The following MFSD11 variants were observed in gnomAD, a reference collection of about 807,000 sequenced individuals.
The protein encoded by MFSD11 is UNC93-like protein MFSD11.
Under a neutral mutation model 53.5 loss-of-function variants are expected in MFSD11, and 36 were observed. The ratio of observed to expected loss-of-function variants is 0.67; its 90% confidence interval spans 0.52 to 0.89. MFSD11 has a LOEUF of 0.89. Ranked by LOEUF, MFSD11 falls within the 40% of genes least tolerant of loss-of-function variation. MFSD11 has a pLI of 0.00. For missense variants in MFSD11, 530 were observed against 543.9 expected, an observed-to-expected ratio of 0.97 and a Z score of 0.25; for synonymous variants, 186 against 184.9, an observed-to-expected ratio of 1.01 and a Z score of -0.05.
intron 8 of MFSD11, among the ~76,000 whole-genome samples, chr17:76,755,585 A>G (rs1195265275): frequency 2.6e-5 from 4 of 151,650 alleles, no homozygotes. Context: ...AAAGCTTGTT[A>G]ACTCTTGGCC....
intron 2 of MFSD11, 129 bp downstream of exon 2, chr17:76,739,122 C>T (rs1568036920): frequency 1.4e-6 from 1 of 710,890 alleles, no homozygotes; most frequent in African/African-American, 1.8e-5. Context: ...AGTGCCTAGA[C>T]TGAGAGAACA....
chr17:76,756,747 C>CTGA, intron 8 of MFSD11, among the ~76,000 whole-genome samples: 1 of 151,928 alleles, frequency 6.6e-6, no homozygotes, highest in African/African-American at 2.4e-5. Context: ...GTAATCCCAG[C>CTGA]TACTCAGGAG....
chr17:76,737,700 C>G (rs1192387988), upstream of MFSD11: 1 of 174,958 alleles, frequency 5.7e-6, no homozygotes, highest in African/African-American at 2.4e-5. Flanking sequence ...CAGCCGTCAG[C>G]CCCGTCTCCG....
At chr17:76,783,079 A>G (rs2013331159), downstream of MFSD11, among the ~76,000 whole-genome samples, 1 of 150,880 alleles carries the variant, frequency 6.6e-6, no homozygotes, top group African/African-American at 2.4e-5. Flanking sequence ...CAGGAAGTTG[A>G]GGCAGGAGAA....
chr17:76,754,186 A>G (rs890327846), intron 8 of MFSD11, 99 bp downstream of exon 8: 1 of 916,546 alleles, frequency 1.1e-6, no homozygotes, highest in Non-Finnish European at 1.7e-6. Flanking sequence ...ATGACACCCC[A>G]GGGTTTGCAT....
the MFSD11 span, among the ~76,000 whole-genome samples, chr17:76,795,274 G>A: frequency 6.9e-6 from 1 of 143,904 alleles, no homozygotes; most frequent in African/African-American, 2.6e-5. Context: ...CCAAGGTCAG[G>A]AGTTCGAGAC....
intron 10 of MFSD11, among the ~76,000 whole-genome samples, chr17:76,770,164 AG>A (rs1419511569): frequency 1.3e-5 from 2 of 150,232 alleles, no homozygotes; most frequent in Non-Finnish European, 3.0e-5. Flanking sequence ...CAGCCTCCCG[AG>A]TAGCTGGGAC....
At chr17:76,801,819 A>T in the MFSD11 span, among the ~76,000 whole-genome samples, 3 of 152,194 alleles carry the variant, frequency 2.0e-5, no homozygotes, top group Non-Finnish European at 2.9e-5. Context: ...TTTTATCAGC[A>T]GGGTCTTTAA....
chr17:76,748,149 A>C (rs1166422740), intron 7 of MFSD11: 1 of 152,266 alleles, frequency 6.6e-6, no homozygotes, highest in East Asian at 1.9e-4. Context: ...CTGGTGAGAC[A>C]TGAAGGTCAG....
rs905972775 is a variant in MFSD11, at chr17:76,778,216, A to G, written c.1214A>G (p.Tyr405Cys). The change falls in exon 13 of 13, where the codon TAC (tyrosine) becomes TGC (cysteine). Residue 405 changes from tyrosine (Y) to cysteine (C), a missense_variant. Transcript: ENST00000685175. Reference sequence around the variant, plus strand: ...ATTTGCGCAGCCGTGGCATTTTTCTACAGCAACTACCTTCTCCTTCACTGG... The same window carrying G: ...ATTTGCGCAGCCGTGGCATTTTTCTGCAGCAACTACCTTCTCCTTCACTGG... ...QSICAAVAFF[Y>C]SNYLLLHWQL... 6.2e-7 allele frequency: 1 copy of G among 1,614,098 alleles called. No individual in the cohort carries two copies. Among genetic ancestry groups the G allele is most frequent in the South Asian group, 1.1e-5 (1 of 91,084 alleles).
chr17:76,750,592 G>A (rs1000887289), intron 7 of MFSD11, among the ~76,000 whole-genome samples: 8 of 151,858 alleles, frequency 5.3e-5, no homozygotes, highest in African/African-American at 1.7e-4. Flanking sequence ...TCCTGACCTC[G>A]TGATCCGCCC....
chr17:76,749,368 A>T (rs1227882724), intron 7 of MFSD11, among the ~76,000 whole-genome samples: 1 of 151,986 alleles, frequency 6.6e-6, no homozygotes. Flanking sequence ...TACCAAAAAA[A>T]AAATACAAAA....
downstream of MFSD11, among the ~76,000 whole-genome samples, chr17:76,783,774 G>C (rs1450112059): frequency 6.6e-6 from 1 of 152,070 alleles, no homozygotes; most frequent in Non-Finnish European, 1.5e-5. Context: ...ATGTTGGCCA[G>C]ACTGGTCTCG....
chr17:76,767,945 G>C (rs1210661737), intron 9 of MFSD11, among the ~76,000 whole-genome samples: 1 of 152,156 alleles, frequency 6.6e-6, no homozygotes, highest in Admixed American at 6.6e-5. Context: ...GGGACCAGTG[G>C]TTTTAGGCAA....
chr17:76,787,706 C>G, the MFSD11 span, among the ~76,000 whole-genome samples: 3 of 149,776 alleles, frequency 2.0e-5, no homozygotes, highest in East Asian at 5.9e-4. Flanking sequence ...CCCCCAACCC[C>G]AAACTGACTG....
At chr17:76,767,902 AAGGTTCAGAAAAACC>A (rs1452677042) in intron 9 of MFSD11, among the ~76,000 whole-genome samples, 1 of 152,216 alleles carries the variant, frequency 6.6e-6, no homozygotes, top group Non-Finnish European at 1.5e-5. Flanking sequence ...GATTCCACAC[AAGGTTCAGAAAAACC>A]AGGACACGTG....
At chr17:76,766,890 TGCAAGTTTCAGTCCTCAGA>T (rs2144743692) in intron 8 of MFSD11, 1 of 153,386 alleles carries the variant, frequency 6.5e-6, no homozygotes, top group African/African-American at 2.4e-5. Flanking sequence ...ATATGCACAA[TGCAAGTTTCAGTCCTCAGA>T]GCTACAGAGT....
chr17:76,771,009 A>G (rs1371825582), intron 10 of MFSD11, among the ~76,000 whole-genome samples: 2 of 152,260 alleles, frequency 1.3e-5, no homozygotes, highest in African/African-American at 4.8e-5. Context: ...GTTCGAGATC[A>G]GCCTGGACAA....
intron 11 of MFSD11, among the ~76,000 whole-genome samples, chr17:76,775,918 T>A (rs530106182): frequency 6.6e-6 from 1 of 152,210 alleles, no homozygotes; most frequent in African/African-American, 2.4e-5. Flanking sequence ...TGTAAAGGTG[T>A]GTGCATTTGA....
Sources: allele counts gnomAD v4.1 joint callset (sites outside exome capture counted in the v4.1 genomes callset), GRCh38; gene constraint gnomAD v4.1.1; transcripts MANE v1.5; gene names NCBI Gene and HGNC (gene_info 2026-07-23, HGNC 2026-07-21).